PDLIM1: variants seen among roughly 807,000 people sequenced by gnomAD.
The protein encoded by PDLIM1 is PDZ and LIM domain protein 1.
PDLIM1 carries 25 observed loss-of-function variants against 35.2 expected under a neutral mutation model. The observed-to-expected ratio is 0.71, with a 90% CI of 0.52 to 0.99. The LOEUF (loss-of-function observed/expected upper bound fraction) is 0.99. Among genes scored for constraint, PDLIM1 ranks in the 50% least tolerant of loss-of-function variants. The probability of loss-of-function intolerance (pLI) is 0.00; values close to 1 mark genes in which losing one functional copy is unlikely to be tolerated. For missense variants in PDLIM1, 363 were observed against 415.3 expected (o/e 0.87, Z 1.09); for synonymous variants, 152 against 154.0 (o/e 0.99, Z 0.10).
intron 5 of PDLIM1, among the ~76,000 whole-genome samples, chr10:95,242,436 C>CAGCA (rs1466173415): frequency 2.6e-5 from 4 of 152,074 alleles, no homozygotes; most frequent in Admixed American, 6.5e-5. Flanking sequence ...CTGTAATCCC[C>CAGCA]AGCACTTTGG....
rs1386712759 is a variant in PDLIM1 at position 95,290,628 on chromosome 10, G to A, written c.96+192C>T. Among the ~76,000 whole-genome samples, 1 of 151,782 alleles carries A rather than the reference G, an allele frequency of 6.6e-6. No homozygotes were observed. Among genetic ancestry groups the A allele is most frequent in the Non-Finnish European group, 1.5e-5 (1 of 67,874 alleles). On this transcript the variant is annotated intron_variant, in intron 1 of 6. Coordinates refer to ENST00000329399, the MANE Select transcript of PDLIM1 (RefSeq NM_020992.4). The surrounding 1 kb of genome is among the most constrained non-coding windows in gnomAD (Gnocchi z 4.7). Reference sequence around the variant, plus strand: ...GCCCGCGGCGGGCCGACCAGCCCGGGAGCGCAGCCTCCGCGAAGGGGCGGC... The same window carrying A: ...GCCCGCGGCGGGCCGACCAGCCCGGAAGCGCAGCCTCCGCGAAGGGGCGGC...
In PDLIM1 at chr10:95,270,155, C is replaced by T. The variant is rs776484992; in HGVS notation, c.249-1293G>A. ...AATGAATGAATGAATGTCCTGAACTCGGGCTTGAAGGAGAGGATTTGGACA... is the reference window on the plus strand; with the variant it reads ...AATGAATGAATGAATGTCCTGAACTTGGGCTTGAAGGAGAGGATTTGGACA... On this transcript the variant is annotated intron_variant, in intron 2 of 6. Transcript: ENST00000329399. Among the ~76,000 whole-genome samples, 12 of 152,120 alleles carry T rather than the reference C, an allele frequency of 7.9e-5. No homozygotes were observed. The South Asian group carries it at 1.7e-3, about 21-fold the overall frequency.
At chr10:95,268,003 CA>C (rs746336505) in intron 3 of PDLIM1, among the ~76,000 whole-genome samples, 3 of 152,118 alleles carry the variant, frequency 2.0e-5, no homozygotes, top group Admixed American at 6.5e-5. Flanking sequence ...AGGAATTTTA[CA>C]AAAGATGTTC....
intron 4 of PDLIM1, among the ~76,000 whole-genome samples, chr10:95,252,513 CAT>C (rs1482698660): frequency 6.6e-6 from 1 of 152,188 alleles, no homozygotes; most frequent in Non-Finnish European, 1.5e-5. Flanking sequence ...TGAAAAATCA[CAT>C]CTCTCAGAAG....
chr10:95,239,599 T>C (rs534684296), intron 5 of PDLIM1, among the ~76,000 whole-genome samples: 2 of 152,222 alleles, frequency 1.3e-5, no homozygotes, highest in South Asian at 4.1e-4. Flanking sequence ...AATTTGAGAA[T>C]AGCCTGGCCA....
intron 2 of PDLIM1, among the ~76,000 whole-genome samples, chr10:95,269,903 T>C (rs538341438): frequency 6.6e-6 from 1 of 151,980 alleles, no homozygotes; most frequent in Non-Finnish European, 1.5e-5. Context: ...CCCTAGCTAA[T>C]TTTTTTGTGT....
At chr10:95,259,816 C>T (rs944307843) in intron 4 of PDLIM1, among the ~76,000 whole-genome samples, 1 of 152,162 alleles carries the variant, frequency 6.6e-6, no homozygotes, top group Non-Finnish European at 1.5e-5. Flanking sequence ...TTGGGGGCAA[C>T]ACCTTACAAC....
At chr10:95,276,683 G>C (rs558697165) in intron 1 of PDLIM1, among the ~76,000 whole-genome samples, 1 of 152,248 alleles carries the variant, frequency 6.6e-6, no homozygotes, top group East Asian at 1.9e-4. Context: ...GATGCTACCA[G>C]ACAGGCAATG....
Position 95,290,943 on chromosome 10 carries a change from C to G in PDLIM1, c.-28G>C. On this transcript the variant is annotated 5_prime_UTR_variant, in exon 1 of 7. Transcript: ENST00000329399. The surrounding 1 kb of genome is among the most constrained non-coding windows in gnomAD (Gnocchi z 4.7). ...CGCGGCTGTGGCGGGCGACGACCCGCGGGGACAGACGGGCAGGACGCGCGG... is the reference window on the plus strand; with the variant it reads ...CGCGGCTGTGGCGGGCGACGACCCGGGGGGACAGACGGGCAGGACGCGCGG... 1 of 1,416,304 alleles carries G rather than the reference C, an allele frequency of 7.1e-7. No individual in the cohort carries two copies. The highest frequency in any genetic ancestry group is 9.7e-7 in the Non-Finnish European group (1 of 1,036,170). The allele number at this position is 1,416,304 out of a possible 1,614,324, so 87.7% of individuals were successfully genotyped here.
At chr10:95,254,602 G>GT (rs2035294594) in intron 4 of PDLIM1, among the ~76,000 whole-genome samples, 1 of 152,150 alleles carries the variant, frequency 6.6e-6, no homozygotes, top group Admixed American at 6.6e-5. Context: ...CAGATAATCA[G>GT]AGAGGATACA....
At chr10:95,241,641 G>A (rs1277242418) in intron 5 of PDLIM1, among the ~76,000 whole-genome samples, 1 of 152,214 alleles carries the variant, frequency 6.6e-6, no homozygotes, top group Non-Finnish European at 1.5e-5. Context: ...GCTCTCGATG[G>A]AGTAGACTTC....
intron 5 of PDLIM1, among the ~76,000 whole-genome samples, chr10:95,240,322 C>A (rs539292153): frequency 7.6e-4 from 115 of 152,282 alleles, no homozygotes; most frequent in African/African-American, 2.5e-3. Flanking sequence ...TAAAAAGGAA[C>A]GAGATCTTGT....
chr10:95,240,066 G>A (rs900431304), intron 5 of PDLIM1, among the ~76,000 whole-genome samples: 1 of 152,326 alleles, frequency 6.6e-6, no homozygotes, highest in East Asian at 1.9e-4. Flanking sequence ...AAACATTGTG[G>A]AAGACAGTGT....
At chr10:95,247,586 T>C (rs2035233581) in intron 4 of PDLIM1, 2 of 438,672 alleles carry the variant, frequency 4.6e-6, no homozygotes, top group African/African-American at 2.0e-5. Flanking sequence ...GAGGCTCTTC[T>C]TCTAAATAGC....
chr10:95,265,970 A>C (rs1280811356), intron 3 of PDLIM1, among the ~76,000 whole-genome samples: 2 of 151,992 alleles, frequency 1.3e-5, no homozygotes, highest in Non-Finnish European at 2.9e-5. Context: ...AAGCCAACGC[A>C]AGAGGATCAC....
At chr10:95,279,971 T>A (rs1431498159) in intron 1 of PDLIM1, among the ~76,000 whole-genome samples, 1 of 152,248 alleles carries the variant, frequency 6.6e-6, no homozygotes, top group Non-Finnish European at 1.5e-5. Context: ...TGCCAAGTTC[T>A]TAAAAGTTGC....
chr10:95,272,816 T>G (rs920060560), intron 1 of PDLIM1, among the ~76,000 whole-genome samples: 5 of 152,208 alleles, frequency 3.3e-5, no homozygotes, highest in Non-Finnish European at 5.9e-5. Context: ...TTCTGCAGAC[T>G]GATGCTTCTA....
At chr10:95,277,746 T>A (rs2035525240) in intron 1 of PDLIM1, among the ~76,000 whole-genome samples, 1 of 152,224 alleles carries the variant, frequency 6.6e-6, no homozygotes, top group African/African-American at 2.4e-5. Flanking sequence ...TGTCCCTCAC[T>A]CTTCGTCCCC....
chr10:95,269,780 G>A (rs1281591737), intron 2 of PDLIM1, among the ~76,000 whole-genome samples: 2 of 152,020 alleles, frequency 1.3e-5, no homozygotes, highest in Non-Finnish European at 2.9e-5. Flanking sequence ...CGCCCAGGCT[G>A]GAGTGCAATG....
Sources: gnomAD v4.1 joint callset for allele counts (sites outside exome capture counted in the v4.1 genomes callset) on GRCh38, gnomAD v4.1.1 for gene constraint, Gnocchi (gnomAD v3.1) non-coding constraint, MANE v1.5 for transcripts, NCBI Gene and HGNC (gene_info 2026-07-23, HGNC 2026-07-21) for gene names.